Variants in ZNF722 observed in about 807,000 individuals in gnomAD.
ZNF722 encodes zinc finger protein 479 pseudogene.
the ZNF722 span, chr7:64,006,255 C>G: frequency 1.7e-5 from 22 of 1,293,162 alleles, no homozygotes; most frequent in East Asian, 5.3e-4. Flanking sequence ...ACTTGATTAC[C>G]TGTCTGGAGC....
chr7:64,017,800 T>C, the ZNF722 span, among the ~76,000 whole-genome samples: 20 of 152,342 alleles, frequency 1.3e-4, no homozygotes, highest in Middle Eastern at 3.4e-3. Context: ...GATAACAGTA[T>C]ATACATTTCA....
At chr7:64,014,722 C>A in the ZNF722 span, among the ~76,000 whole-genome samples, 2 of 152,092 alleles carry the variant, frequency 1.3e-5, no homozygotes, top group Admixed American at 6.6e-5. Flanking sequence ...TTAAAGACAC[C>A]ATGTTCTTCT....
chr7:64,005,579 A>AGTGTTTT, the ZNF722 span: 1 of 877,426 alleles, frequency 1.1e-6, no homozygotes, highest in Non-Finnish European at 1.9e-6. Flanking sequence ...TGTGTTCATG[A>AGTGTTTT]GTGTTTTTTG....
At chr7:64,004,365 C>T in the ZNF722 span, among the ~76,000 whole-genome samples, 1 of 142,034 alleles carries the variant, frequency 7.0e-6, no homozygotes. Flanking sequence ...GATGAGATTG[C>T]ACCACTGCAC....
At chr7:64,017,828 G>A in the ZNF722 span, among the ~76,000 whole-genome samples, 2 of 151,864 alleles carry the variant, frequency 1.3e-5, no homozygotes, top group Admixed American at 6.6e-5. Context: ...AGTTTTTTTT[G>A]GAGATTTATA....
At chr7:64,009,017 A>G in the ZNF722 span, among the ~76,000 whole-genome samples, 159 of 152,118 alleles carry the variant, frequency 1.0e-3, 1 homozygote, top group African/African-American at 3.8e-3. Context: ...TTGTGAATGG[A>G]AGTTCACTCA....
chr7:64,004,425 A>AAAAAAAAAAAAAATATATATAT, the ZNF722 span, among the ~76,000 whole-genome samples: 2 of 61,120 alleles, frequency 3.3e-5, no homozygotes, highest in African/African-American at 1.6e-4. Flanking sequence ...AAAAAAAAAA[A>AAAAAAAAAAAAAATATATATAT]ATATATATAT....
the ZNF722 span, among the ~76,000 whole-genome samples, chr7:64,017,885 T>C: frequency 6.6e-6 from 1 of 152,194 alleles, no homozygotes; most frequent in African/African-American, 2.4e-5. Flanking sequence ...AATTTAGATT[T>C]TCTGAAAAGC....
the ZNF722 span, chr7:64,015,811 G>C: frequency 6.2e-7 from 1 of 1,609,724 alleles, no homozygotes. Context: ...ATTCATACTG[G>C]AGAGAAACCC....
At chr7:64,009,875 A>G in the ZNF722 span, among the ~76,000 whole-genome samples, 1 of 151,956 alleles carries the variant, frequency 6.6e-6, no homozygotes, top group African/African-American at 2.4e-5. Context: ...CTGGTCCTGG[A>G]CTTTTTTTGG....
the ZNF722 span, among the ~76,000 whole-genome samples, chr7:64,002,369 G>A: frequency 6.6e-6 from 1 of 152,074 alleles, no homozygotes; most frequent in Non-Finnish European, 1.5e-5. Context: ...TCTTAACACT[G>A]CCTTAGCTGT....
At chr7:64,008,491 TGAA>T in the ZNF722 span, among the ~76,000 whole-genome samples, 1 of 152,236 alleles carries the variant, frequency 6.6e-6, no homozygotes, top group Non-Finnish European at 1.5e-5. Context: ...CACCATTTAT[TGAA>T]TAGGGAATCC....
At chr7:64,002,798 T>C in the ZNF722 span, among the ~76,000 whole-genome samples, 13 of 152,224 alleles carry the variant, frequency 8.5e-5, no homozygotes, top group Admixed American at 3.3e-4. Context: ...GATATTGCTG[T>C]CTTCTGTTGT....
At chr7:63,999,127 C>A in the ZNF722 span, 1 of 1,106,164 alleles carries the variant, frequency 9.0e-7, no homozygotes, top group Non-Finnish European at 1.3e-6. Context: ...TCCTCCTTGT[C>A]CCAGCTCGGC....
chr7:64,015,678 G>A, the ZNF722 span: 4 of 1,613,600 alleles, frequency 2.5e-6, no homozygotes, highest in East Asian at 4.5e-5. Flanking sequence ...ATGTGGCAAA[G>A]CCTTTAGCGT....
chr7:63,999,936 T>C, the ZNF722 span, among the ~76,000 whole-genome samples: 1 of 152,190 alleles, frequency 6.6e-6, no homozygotes, highest in Admixed American at 6.5e-5. Flanking sequence ...CCTGAAGTGA[T>C]CCGCCCATCT....
chr7:64,015,241 C>A, the ZNF722 span: 1 of 1,209,602 alleles, frequency 8.3e-7, no homozygotes, highest in Non-Finnish European at 1.2e-6. Flanking sequence ...ATATTTCAGA[C>A]TCATAAGTGT....
At chr7:64,005,465 T>A in the ZNF722 span, 4 of 519,558 alleles carry the variant, frequency 7.7e-6, no homozygotes, top group Non-Finnish European at 1.4e-5. Context: ...AAAAATTATC[T>A]TATCGAATAA....
the ZNF722 span, among the ~76,000 whole-genome samples, chr7:64,005,245 G>A: frequency 1.7e-4 from 26 of 152,028 alleles, no homozygotes; most frequent in Admixed American, 4.6e-4. Flanking sequence ...GTTGCACTGA[G>A]CCAAGATCAT....
Sources: gnomAD v4.1 joint callset for allele counts (sites outside exome capture counted in the v4.1 genomes callset) on GRCh38, gnomAD v4.1.1 for gene constraint, MANE v1.5 for transcripts, NCBI Gene and HGNC (gene_info 2026-07-23, HGNC 2026-07-21) for gene names.